FGFR1: variants seen among roughly 807,000 people sequenced by gnomAD.
FGFR1 encodes the protein FGFR1/PLAG1 fusion.
In FGFR1, 18 loss-of-function variants were observed where a neutral mutation model predicts 93.7. The ratio of observed to expected loss-of-function variants is 0.19; its 90% confidence interval spans 0.13 to 0.28. The LOEUF is 0.28. Ranked by LOEUF, FGFR1 falls within the 10% of genes least tolerant of loss-of-function variation. FGFR1 has a pLI of 1.00. For synonymous variants in FGFR1, 448 were observed against 429.3 expected, an observed-to-expected ratio of 1.04 and a Z score of -0.54; for missense variants, 731 against 1,080.4, an observed-to-expected ratio of 0.68 and a Z score of 4.53.
Position 38,413,329 on chromosome 8 carries a change from C to T in FGFR1, c.*299G>A. 2 of 485,722 alleles carry T rather than the reference C, an allele frequency of 4.1e-6. No individual in the cohort carries two copies. The highest frequency in any genetic ancestry group is 3.8e-5 in the Admixed American group (1 of 26,474). The allele number at this position is 485,722 out of a possible 1,614,324, so 30.1% of individuals were successfully genotyped here. On this transcript the variant is annotated 3_prime_UTR_variant, in exon 18 of 18. Coordinates refer to ENST00000447712, the MANE Select transcript of FGFR1 (RefSeq NM_023110.3). The surrounding 1 kb of genome is among the most constrained non-coding windows in gnomAD (Gnocchi z 4.2). ...CATGCCTGTTCATTGGCTCCCACTC[C>T]CTGCCCTCCAGGCAGTGCCTGGTGG... is the stretch of plus-strand genomic sequence containing the variant.
chr8:38,415,001 A>C, intron 13 of FGFR1, 100 bp from the exon 14 acceptor site: 1 of 905,982 alleles, frequency 1.1e-6, no homozygotes, highest in South Asian at 1.4e-5. Flanking sequence ...GTCTCATAGA[A>C]CTTCTGCCAC....
chr8:38,454,398 T>C (rs1022373161), intron 2 of FGFR1, among the ~76,000 whole-genome samples: 1 of 152,238 alleles, frequency 6.6e-6, no homozygotes, highest in African/African-American at 2.4e-5. Context: ...CCTTTATCGC[T>C]GTCTACAATT....
intron 3 of FGFR1, chr8:38,428,948 C>A: frequency 6.5e-6 from 2 of 306,420 alleles, no homozygotes; most frequent in Non-Finnish European, 1.3e-5. Flanking sequence ...GCACCCACCA[C>A]CCCAGCAGCT....
At position 38,457,512 on chromosome 8, in the gene FGFR1, C is replaced by G. The variant is rs548408836; in HGVS notation, c.-66G>C. The stretch of plus-strand genomic sequence containing the variant: ...CTCCATGGATACTCCACAGTGAGCT[C>G]GATCCTCCTTTTCAAACTGACCCTG... On this transcript the variant is annotated 5_prime_UTR_variant, in exon 2 of 18. Transcript: ENST00000447712. The G allele has an allele frequency of 1.2e-6, 2 of 1,605,720 alleles. No individual in the cohort carries two copies. The highest frequency in any genetic ancestry group is 1.7e-6 in the Non-Finnish European group (2 of 1,176,542).
rs1218085532 is a variant in FGFR1 at position 38,414,137 on chromosome 8, TCTC to T, written c.2186+12_2186+14del. On this transcript the variant is annotated intron_variant, in intron 16 of 17. Transcript: ENST00000447712. ...AAGGCCTGGCTCAGGGCCTCCGACA[TCTC>T]CTCGGGCTTACAGCTCGTTGGTGCA... 17 of 1,613,990 alleles carry T rather than the reference TCTC, an allele frequency of 1.1e-5. No homozygotes were observed. Among genetic ancestry groups the T allele is most frequent in the Admixed American group, 1.0e-4 (6 of 60,000 alleles).
intron 7 of FGFR1, among the ~76,000 whole-genome samples, chr8:38,422,488 C>T (rs1178128365): frequency 2.0e-5 from 3 of 152,180 alleles, no homozygotes; most frequent in African/African-American, 7.2e-5. Flanking sequence ...CTCACTGCAG[C>T]CTCGACCTAA....
At chr8:38,461,226 G>A (rs958973099) in intron 1 of FGFR1, 60 of 1,201,622 alleles carry the variant, frequency 5.0e-5, no homozygotes, top group Non-Finnish European at 6.1e-5. Flanking sequence ...GGGGCTGGAC[G>A]GACCACGTGA....
At chr8:38,416,840 C>A (rs17176023) in intron 12 of FGFR1, among the ~76,000 whole-genome samples, 1 of 152,188 alleles carries the variant, frequency 6.6e-6, no homozygotes, top group Non-Finnish European at 1.5e-5. Context: ...GCAACCTCCA[C>A]CTCCCGGGTT....
rs930604247 is a variant in FGFR1, at chr8:38,432,916, C to A, written c.92-2968G>T. Among the ~76,000 whole-genome samples, 12 of 141,382 alleles carry A rather than the reference C, an allele frequency of 8.5e-5. 1 individual carries two copies. The highest frequency in any genetic ancestry group is 4.2e-4 in the Admixed American group (6 of 14,234). 92.8% of individuals were successfully genotyped at this position (141,382 alleles called of 152,430 possible). On this transcript the variant is annotated intron_variant, in intron 2 of 17. Coordinates refer to ENST00000447712, the MANE Select transcript of FGFR1 (RefSeq NM_023110.3). ...CTGTCCCTCCCCACCGCGCCCCCCCCCCTCCCCAGTTGGGATGCTTTCAGC... is the reference window on the plus strand; with the variant it reads ...CTGTCCCTCCCCACCGCGCCCCCCCACCTCCCCAGTTGGGATGCTTTCAGC...
Position 38,427,907 on chromosome 8 carries a change from G to T in FGFR1, c.621+14C>A. ...GTTCCCATTACTCTAACTTTCGCAT[G>T]CACACACACGTACCTTGTAGCCTCC... is the stretch of plus-strand genomic sequence containing the variant. On this transcript the variant is annotated intron_variant, in intron 5 of 17. Coordinates refer to ENST00000447712, the MANE Select transcript of FGFR1 (RefSeq NM_023110.3). The T allele has an allele frequency of 1.2e-6, 2 of 1,614,148 alleles. No individual in the cohort carries two copies. The highest frequency in any genetic ancestry group is 1.7e-6 in the Non-Finnish European group (2 of 1,179,972).
At chr8:38,436,555 C>T (rs1277443794) in intron 2 of FGFR1, among the ~76,000 whole-genome samples, 1 of 152,008 alleles carries the variant, frequency 6.6e-6, no homozygotes. Flanking sequence ...AAGCAGCTGG[C>T]GGGTGGACCT....
intron 2 of FGFR1, among the ~76,000 whole-genome samples, chr8:38,441,908 A>C (rs1241469570): frequency 2.6e-5 from 4 of 152,218 alleles, no homozygotes; most frequent in Admixed American, 2.6e-4. Flanking sequence ...TGAGAGGCTC[A>C]ACTCATCTAT....
At chr8:38,467,375 C>T (rs538556217) in intron 1 of FGFR1, among the ~76,000 whole-genome samples, 26 of 152,138 alleles carry the variant, frequency 1.7e-4, no homozygotes, top group Non-Finnish European at 3.7e-4. Flanking sequence ...CCTAGCCCTC[C>T]ACGTCCTCCG....
chr8:38,460,368 C>T (rs1450029124), intron 1 of FGFR1, among the ~76,000 whole-genome samples: 1 of 152,168 alleles, frequency 6.6e-6, no homozygotes, highest in African/African-American at 2.4e-5. Flanking sequence ...CACCCAGAAA[C>T]GCACACCTGA....
intron 7 of FGFR1, chr8:38,422,731 T>C: frequency 2.6e-6 from 1 of 386,472 alleles, no homozygotes; most frequent in Non-Finnish European, 4.7e-6. Flanking sequence ...CACCACTCAC[T>C]CACAACTTCA....
In FGFR1 at chr8:38,434,457, T is replaced by C. The variant is rs1274207719; in HGVS notation, c.92-4509A>G. On this transcript the variant is annotated intron_variant, in intron 2 of 17. Transcript: ENST00000447712. Reference sequence around the variant, plus strand: ...GATGGAAGTCAACTGCTTAACAATCTCAGAAGGACTGTGCAAGTCAGTGGG... The same window carrying C: ...GATGGAAGTCAACTGCTTAACAATCCCAGAAGGACTGTGCAAGTCAGTGGG... 5 of 404,184 alleles carry C rather than the reference T, an allele frequency of 1.2e-5. No individual in the cohort carries two copies. In the Admixed American group the frequency reaches 1.3e-4, roughly 10 times the overall value. 25.0% of individuals were successfully genotyped at this position (404,184 alleles called of 1,614,324 possible). A position where few individuals can be genotyped will look rare whatever the true frequency, so the allele number is the denominator to read the frequency against.
intron 15 of FGFR1, 27 bp downstream of exon 15, chr8:38,414,532 C>G (rs372887931): frequency 1.2e-6 from 2 of 1,613,178 alleles, no homozygotes; most frequent in Non-Finnish European, 1.7e-6. Context: ...TCCCACACCT[C>G]CCTGGCAATT....
Position 38,412,779 on chromosome 8 carries a change from G to GTTCTA in FGFR1, c.*848_*849insTAGAA. On this transcript the variant is annotated 3_prime_UTR_variant, in exon 18 of 18. Transcript: ENST00000447712. ...GGGACCTAAACTGAAAATAGGTTTA[G>GTTCTA]AACATAATTTAAAAAAATAAAACAG... 1 of 233,616 alleles carries GTTCTA rather than the reference G, an allele frequency of 4.3e-6. No homozygotes were observed. The highest frequency in any genetic ancestry group is 2.2e-5 in the African/African-American group (1 of 45,452). The allele number at this position is 233,616 out of a possible 1,614,324, so 14.5% of individuals were successfully genotyped here. A position where few individuals can be genotyped will look rare whatever the true frequency, so the allele number is the denominator to read the frequency against.
rs1281861739 is a variant in FGFR1 at position 38,457,513 on chromosome 8, G to C, written c.-67C>G. On this transcript the variant is annotated 5_prime_UTR_variant, in exon 2 of 18. The change creates a new upstream start codon in the 5' untranslated region. Coordinates refer to ENST00000447712, the MANE Select transcript of FGFR1 (RefSeq NM_023110.3). ...TCCATGGATACTCCACAGTGAGCTCGATCCTCCTTTTCAAACTGACCCTGA... is the reference window on the plus strand; with the variant it reads ...TCCATGGATACTCCACAGTGAGCTCCATCCTCCTTTTCAAACTGACCCTGA... The C allele has an allele frequency of 1.9e-6, 3 of 1,605,038 alleles. No individual in the cohort carries two copies. The highest frequency in any genetic ancestry group is 1.7e-4 in the Middle Eastern group (1 of 6,050).
Sources: allele counts gnomAD v4.1 joint callset (sites outside exome capture counted in the v4.1 genomes callset), GRCh38; gene constraint gnomAD v4.1.1; non-coding constraint Gnocchi (gnomAD v3.1); transcripts MANE v1.5; gene names NCBI Gene and HGNC (gene_info 2026-07-23, HGNC 2026-07-21).